Variants in TMEM200A observed in about 807,000 individuals in gnomAD.
The protein encoded by TMEM200A is transmembrane protein 200A.
In TMEM200A, 12 loss-of-function variants were observed where a neutral mutation model predicts 24.3. The observed-to-expected ratio is 0.49, with a 90% confidence interval of 0.32 to 0.80. The LOEUF (loss-of-function observed/expected upper bound fraction) is 0.80, where lower values mean the gene tolerates loss of function less well. TMEM200A is among the 30% of genes least tolerant of loss of function. The pLI is 0.04. For synonymous variants in TMEM200A, 224 were observed against 224.4 expected, an observed-to-expected ratio of 1.00 and a Z score of 0.02; for missense variants, 545 against 614.4, an observed-to-expected ratio of 0.89 and a Z score of 1.19.
intron 2 of TMEM200A, among the ~76,000 whole-genome samples, chr6:130,430,107 CAG>C (rs1294018294): frequency 6.6e-6 from 1 of 152,022 alleles, no homozygotes; most frequent in Non-Finnish European, 1.5e-5. Flanking sequence ...TTATAAACAA[CAG>C]AAACTTATTT....
chr6:130,400,619 T>A (rs1054274593), intron 2 of TMEM200A, among the ~76,000 whole-genome samples: 42 of 151,902 alleles, frequency 2.8e-4, no homozygotes, highest in African/African-American at 9.9e-4. Context: ...TTCTGCTGGG[T>A]TTTGAGGGGT....
intron 1 of TMEM200A, among the ~76,000 whole-genome samples, chr6:130,369,819 C>G (rs879386485): frequency 6.6e-6 from 1 of 152,212 alleles, no homozygotes; most frequent in Non-Finnish European, 1.5e-5. Context: ...AGATGAGTGT[C>G]TGTACATTCC....
chr6:130,430,642 T>C (rs2115208297), intron 2 of TMEM200A, among the ~76,000 whole-genome samples: 1 of 152,176 alleles, frequency 6.6e-6, no homozygotes, highest in South Asian at 2.1e-4. Context: ...CCCCTGGATG[T>C]CCCTTAAATG....
In TMEM200A at chr6:130,386,318, G is replaced by T. The variant is rs60067147; in HGVS notation, c.-17+1082G>T. The stretch of plus-strand genomic sequence containing the variant: ...GTTTCAAAGTCTTCTTTGCTAAAAG[G>T]GGTAGCCACTGAGTTTGCTTAGAAC... On this transcript the variant is annotated intron_variant, in intron 2 of 2. Transcript: ENST00000296978. Among the ~76,000 whole-genome samples the T allele has an allele frequency of 4.1e-3, 629 of 152,272 alleles. 7 individuals carry two copies. The highest frequency in any genetic ancestry group is 0.014 in the African/African-American group (585 of 41,554).
At chr6:130,373,213 G>A (rs1190258252) in intron 1 of TMEM200A, among the ~76,000 whole-genome samples, 2 of 152,214 alleles carry the variant, frequency 1.3e-5, no homozygotes, top group East Asian at 3.8e-4. Context: ...GATCGGCTTA[G>A]TGAACATACA....
At chr6:130,404,905 T>C (rs1404221599) in intron 2 of TMEM200A, among the ~76,000 whole-genome samples, 1 of 152,174 alleles carries the variant, frequency 6.6e-6, no homozygotes, top group African/African-American at 2.4e-5. Context: ...CCAGCACCAT[T>C]TATTGAATAG....
At chr6:130,367,116 T>G (rs2115057870) in intron 1 of TMEM200A, among the ~76,000 whole-genome samples, 1 of 152,344 alleles carries the variant, frequency 6.6e-6, no homozygotes, top group South Asian at 2.1e-4. Flanking sequence ...CGCTGTTTGA[T>G]TTAGAAAAAT....
In TMEM200A at chr6:130,442,191, T is replaced by G; in HGVS notation, c.*293T>G. 1 of 269,050 alleles carries G rather than the reference T, an allele frequency of 3.7e-6. No homozygotes were observed. Among genetic ancestry groups the G allele is most frequent in the South Asian group, 8.2e-5 (1 of 12,228 alleles). 16.7% of individuals were successfully genotyped at this position (269,050 alleles called of 1,614,324 possible). ...AATTAAAGCTTATTTTCTTTACTTTTAAGTTCTTTGATTGCCCTATTCATA... is the reference window on the plus strand; with the variant it reads ...AATTAAAGCTTATTTTCTTTACTTTGAAGTTCTTTGATTGCCCTATTCATA... On this transcript the variant is annotated 3_prime_UTR_variant, in exon 3 of 3. Transcript: ENST00000296978.
chr6:130,441,275 A>G lies in TMEM200A; in HGVS notation c.853A>G (p.Ile285Val), dbSNP rs1398699894. ...AACCAAGTCAATTGTGTCATCGTCC[A>G]TCAGTGCTTTTACATTGCCTGTGAT... is the stretch of plus-strand genomic sequence containing the variant. ...CETKSIVSSS[I>V]SAFTLPVIKL... The change falls in exon 3 of 3, where the codon ATC becomes GTC. Residue 285 changes from isoleucine (I) to valine (V), a missense_variant. Coordinates refer to ENST00000296978, the MANE Select transcript of TMEM200A (RefSeq NM_001258277.2). The G allele has an allele frequency of 2.5e-6, 4 of 1,614,038 alleles. No individual in the cohort carries two copies. Among genetic ancestry groups the G allele is most frequent in the East Asian group, 2.2e-5 (1 of 44,880 alleles).
intron 2 of TMEM200A, among the ~76,000 whole-genome samples, chr6:130,424,031 A>T (rs552147614): frequency 6.7e-4 from 102 of 152,284 alleles, no homozygotes; most frequent in African/African-American, 2.4e-3. Context: ...TGATTTCTTT[A>T]AATAACATAT....
chr6:130,433,121 A>T (rs1487916958), intron 2 of TMEM200A, among the ~76,000 whole-genome samples: 1 of 151,258 alleles, frequency 6.6e-6, no homozygotes, highest in Non-Finnish European at 1.5e-5. Context: ...ATTATGCTAC[A>T]TGCTAAAAGA....
intron 1 of TMEM200A, among the ~76,000 whole-genome samples, chr6:130,379,216 GA>G (rs1778538720): frequency 6.6e-6 from 1 of 151,986 alleles, no homozygotes; most frequent in African/African-American, 2.4e-5. Context: ...GTTGTTGATT[GA>G]GAACTGTGTG....
chr6:130,412,250 G>A (rs1168192758), intron 2 of TMEM200A, among the ~76,000 whole-genome samples: 1 of 151,256 alleles, frequency 6.6e-6, no homozygotes, highest in African/African-American at 2.4e-5. Context: ...TGAATGATGG[G>A]TGTGCTTATT....
intron 2 of TMEM200A, among the ~76,000 whole-genome samples, chr6:130,417,044 C>A (rs985829208): frequency 2.6e-5 from 4 of 152,156 alleles, no homozygotes; most frequent in Non-Finnish European, 5.9e-5. Context: ...ATATTCACTT[C>A]CATACCATGC....
At chr6:130,403,330 T>C (rs560285039) in intron 2 of TMEM200A, among the ~76,000 whole-genome samples, 36 of 152,278 alleles carry the variant, frequency 2.4e-4, no homozygotes, top group African/African-American at 8.2e-4. Context: ...CCATAGAAGA[T>C]AGCACTTTCA....
intron 2 of TMEM200A, among the ~76,000 whole-genome samples, chr6:130,407,479 A>G (rs1271423725): frequency 6.6e-6 from 1 of 152,252 alleles, no homozygotes; most frequent in Non-Finnish European, 1.5e-5. Context: ...TTAAATAACC[A>G]TCTAGATAAT....
rs1780203305 is a variant in TMEM200A, at chr6:130,441,927, G to A, written c.*29G>A. ...TAAAAGAATATATCATTTTACAAGG[G>A]TATATATTTTAAAACGATTTTCACT... On this transcript the variant is annotated 3_prime_UTR_variant, in exon 3 of 3. Coordinates refer to ENST00000296978, the MANE Select transcript of TMEM200A (RefSeq NM_001258277.2). The A allele has an allele frequency of 1.3e-6, 2 of 1,541,516 alleles. No homozygotes were observed. The highest frequency in any genetic ancestry group is 1.7e-6 in the Non-Finnish European group (2 of 1,146,750).
chr6:130,379,071 A>G (rs901193409), intron 1 of TMEM200A, among the ~76,000 whole-genome samples: 2 of 152,188 alleles, frequency 1.3e-5, no homozygotes, highest in Admixed American at 6.5e-5. Flanking sequence ...TACTCCATCC[A>G]TGAGGGCAGA....
Position 130,442,174 on chromosome 6 carries a change from C to A in TMEM200A, c.*276C>A, listed in dbSNP as rs1583242056. 1 of 299,120 alleles carries A rather than the reference C, an allele frequency of 3.3e-6. No individual in the cohort carries two copies. The highest frequency in any genetic ancestry group is 6.7e-5 in the East Asian group (1 of 14,998). The allele number at this position is 299,120 out of a possible 1,614,324, so 18.5% of individuals were successfully genotyped here. ...CAAAATGCTTGCATCCAAATTAAAGCTTATTTTCTTTACTTTTAAGTTCTT... is the reference window on the plus strand; with the variant it reads ...CAAAATGCTTGCATCCAAATTAAAGATTATTTTCTTTACTTTTAAGTTCTT... On this transcript the variant is annotated 3_prime_UTR_variant, in exon 3 of 3. Transcript: ENST00000296978.
Sources: allele counts gnomAD v4.1 joint callset (sites outside exome capture counted in the v4.1 genomes callset), GRCh38; gene constraint gnomAD v4.1.1; transcripts MANE v1.5; gene names NCBI Gene and HGNC (gene_info 2026-07-23, HGNC 2026-07-21).